The following PMS1 variants were observed in gnomAD, a reference collection of about 807,000 sequenced individuals.
The protein encoded by PMS1 is PMS1 homolog 1, mismatch repair system component.
PMS1 carries 79 observed loss-of-function variants against 93.1 expected under a neutral mutation model. The observed-to-expected ratio is 0.85, with a 90% CI of 0.71 to 1.02. PMS1 has a LOEUF of 1.02. PMS1 is among the 50% of genes least tolerant of loss of function. The pLI is 0.00. For synonymous variants in PMS1, 335 were observed against 363.4 expected (o/e 0.92, Z 0.89); for missense variants, 1,064 against 1,085.3 (o/e 0.98, Z 0.28).
intron 2 of PMS1, among the ~76,000 whole-genome samples, chr2:189,794,719 C>T (rs1486419889): frequency 6.6e-6 from 1 of 152,048 alleles, no homozygotes; most frequent in African/African-American, 2.4e-5. Flanking sequence ...AAAGTATGAT[C>T]ACTATGGGAA....
Position 189,867,888 on chromosome 2 carries a change from C to G in PMS1, c.2432C>G (p.Pro811Arg), listed in dbSNP as rs2056798768. Reference sequence around the variant, plus strand: ...AGTGGATCAACTTACCTGTCTGATCCTCGTCTTACAGCGAATGGTTTCAAG... The same window carrying G: ...AGTGGATCAACTTACCTGTCTGATCGTCGTCTTACAGCGAATGGTTTCAAG... ...RYSGSTYLSD[P>R]RLTANGFKIK... Residue 811 changes from proline to arginine, a missense_variant, in exon 11 of 13, where the codon CCT becomes CGT. Pro to Arg is a moderately radical substitution (Grantham distance 103). Coordinates refer to ENST00000441310, the MANE Select transcript of PMS1 (RefSeq NM_000534.5). 1 of 1,608,682 alleles carries G rather than the reference C, an allele frequency of 6.2e-7. No individual in the cohort carries two copies. Among genetic ancestry groups the G allele is most frequent in the Non-Finnish European group, 8.5e-7 (1 of 1,175,342 alleles).
In PMS1 at chr2:189,786,827, G is replaced by A. The variant is rs564679146; in HGVS notation, c.-21+2234G>A. 1.3e-4 allele frequency among the ~76,000 whole-genome samples: 20 copies of A among 152,234 alleles called. No homozygotes were observed. In the South Asian group the frequency reaches 3.1e-3, roughly 24 times the overall value. ...AGCACTTTGGGAGGCCGAGGCGGGC[G>A]GATCACCTGAGGTCAGGAGTTTGAG... is the stretch of plus-strand genomic sequence containing the variant. On this transcript the variant is annotated intron_variant, in intron 1 of 12. Transcript: ENST00000441310.
chr2:189,832,513 T>G (rs1228462267), intron 5 of PMS1, among the ~76,000 whole-genome samples: 2 of 152,140 alleles, frequency 1.3e-5, no homozygotes, highest in African/African-American at 2.4e-5. Context: ...TCGCCCAGGC[T>G]GGAATGCAGT....
chr2:189,788,958 T>C (rs1027652725), intron 1 of PMS1, among the ~76,000 whole-genome samples: 4 of 152,160 alleles, frequency 2.6e-5, no homozygotes, highest in Non-Finnish European at 5.9e-5. Context: ...TGTGTGAATG[T>C]TATGATGATG....
At chr2:189,802,862 G>C (rs960997741) in intron 3 of PMS1, among the ~76,000 whole-genome samples, 2 of 152,184 alleles carry the variant, frequency 1.3e-5, no homozygotes, top group Non-Finnish European at 2.9e-5. Flanking sequence ...AAGTTTTGAA[G>C]CAGTTGGAAT....
intron 2 of PMS1, among the ~76,000 whole-genome samples, chr2:189,794,206 G>A (rs1247525187): frequency 2.0e-5 from 3 of 152,128 alleles, no homozygotes; most frequent in South Asian, 2.1e-4. Flanking sequence ...TCCGTCTCCC[G>A]GTCTCAAGCG....
intron 3 of PMS1, among the ~76,000 whole-genome samples, chr2:189,799,380 A>G (rs1224183036): frequency 6.6e-6 from 1 of 152,180 alleles, no homozygotes; most frequent in African/African-American, 2.4e-5. Flanking sequence ...ATTTTTACAT[A>G]TGTATACTCC....
chr2:189,853,928 T>TG lies in PMS1; in HGVS notation c.823-10dup. 1 of 1,493,072 alleles carries TG rather than the reference T, an allele frequency of 6.7e-7. No homozygotes were observed. Among genetic ancestry groups the TG allele is most frequent in the Non-Finnish European group, 9.3e-7 (1 of 1,079,862 alleles). The allele number at this position is 1,493,072 out of a possible 1,614,324, so 92.5% of individuals were successfully genotyped here. On this transcript the variant is annotated splice_polypyrimidine_tract_variant and intron_variant, in intron 7 of 12. Coordinates refer to ENST00000441310, the MANE Select transcript of PMS1 (RefSeq NM_000534.5). ...ATTATTTTTTCTTTTATTTATTACA[T>TG]GTATTTCTAGTTAATCCGACATCAT...
intron 4 of PMS1, among the ~76,000 whole-genome samples, chr2:189,810,954 A>G (rs1379092013): frequency 1.3e-5 from 2 of 151,480 alleles, no homozygotes; most frequent in African/African-American, 2.4e-5. Flanking sequence ...AAACTCATCA[A>G]TAACCCAGAT....
chr2:189,785,906 C>T (rs1436438856), intron 1 of PMS1, among the ~76,000 whole-genome samples: 1 of 152,078 alleles, frequency 6.6e-6, no homozygotes, highest in Non-Finnish European at 1.5e-5. Flanking sequence ...GGGCGGATCA[C>T]CTGAGGTCAG....
intron 4 of PMS1, among the ~76,000 whole-genome samples, chr2:189,816,672 CCTCTT>C (rs2051331039): frequency 6.6e-6 from 1 of 151,934 alleles, no homozygotes. Flanking sequence ...TTCTTTTTCT[CCTCTT>C]GGAACTTTAA....
chr2:189,841,918 G>A (rs2053850682), intron 5 of PMS1, among the ~76,000 whole-genome samples: 1 of 38,282 alleles, frequency 2.6e-5, no homozygotes, highest in Non-Finnish European at 5.3e-5. Context: ...ACAAAGGGGA[G>A]CTGTCTCAGC....
rs1001635383 is a variant in PMS1 at position 189,843,403 on chromosome 2, C to T, written c.583-561C>T. On this transcript the variant is annotated intron_variant, in intron 5 of 12. Transcript: ENST00000441310. Reference sequence around the variant, plus strand: ...CTTTTATGTTTACAGATTCAGTTAACATTTTGTGAATTCTCTATTTCAAAG... The same window carrying T: ...CTTTTATGTTTACAGATTCAGTTAATATTTTGTGAATTCTCTATTTCAAAG... Among the ~76,000 whole-genome samples, 7 of 152,286 alleles carry T rather than the reference C, an allele frequency of 4.6e-5. 1 individual carries two copies. The highest frequency in any genetic ancestry group is 4.8e-5 in the African/African-American group (2 of 41,562).
chr2:189,806,706 T>A, intron 4 of PMS1: 1 of 201,200 alleles, frequency 5.0e-6, no homozygotes, highest in Non-Finnish European at 1.0e-5. Context: ...TGATAAGTGT[T>A]TAAATTTCTC....
At chr2:189,805,331 G>A (rs1433453631) in intron 3 of PMS1, among the ~76,000 whole-genome samples, 1 of 152,072 alleles carries the variant, frequency 6.6e-6, no homozygotes, top group Non-Finnish European at 1.5e-5. Flanking sequence ...CCTTAATACA[G>A]TTGAAGTACT....
Position 189,877,627 on chromosome 2 carries a change from T to A in PMS1, c.*191T>A, listed in dbSNP as rs1279700318. The A allele has an allele frequency of 2.0e-5, 11 of 546,112 alleles. No individual in the cohort carries two copies. Among genetic ancestry groups the A allele is most frequent in the Non-Finnish European group, 3.6e-5 (11 of 305,366 alleles). 33.8% of individuals were successfully genotyped at this position (546,112 alleles called of 1,614,324 possible). ...ACGTAAATAAACTAATATAGACTAT[T>A]CATTTGATTCTCAAGAACCAACCAT... On this transcript the variant is annotated 3_prime_UTR_variant, in exon 13 of 13. Transcript: ENST00000441310.
intron 11 of PMS1, among the ~76,000 whole-genome samples, chr2:189,869,690 G>T (rs1333033916): frequency 3.3e-5 from 5 of 152,004 alleles, no homozygotes; most frequent in Admixed American, 2.6e-4. Context: ...TGTGGCAGGT[G>T]CCTATGATCC....
intron 3 of PMS1, among the ~76,000 whole-genome samples, chr2:189,797,361 T>A (rs1354232603): frequency 1.3e-5 from 2 of 152,228 alleles, no homozygotes; most frequent in Non-Finnish European, 2.9e-5. Context: ...GTACCAATTA[T>A]ACTACGCTGC....
intron 9 of PMS1, chr2:189,855,769 AAT>A (rs2055258263): frequency 2.7e-6 from 1 of 369,040 alleles, no homozygotes; most frequent in East Asian, 1.1e-4. Context: ...GCCATATTTA[AAT>A]TAGATTTTCT....
Sources: allele counts gnomAD v4.1 joint callset (sites outside exome capture counted in the v4.1 genomes callset), GRCh38; gene constraint gnomAD v4.1.1; transcripts MANE v1.5; gene names NCBI Gene and HGNC (gene_info 2026-07-23, HGNC 2026-07-21).